The following LCOR variants were observed in gnomAD, a reference collection of about 807,000 sequenced individuals.
LCOR encodes the protein ligand-dependent corepressor.
LCOR carries 14 observed loss-of-function variants against 64.4 expected under a neutral mutation model. The observed-to-expected ratio is 0.22, with a 90% CI of 0.14 to 0.34. The LOEUF (loss-of-function observed/expected upper bound fraction) is 0.34. LCOR is among the 10% of genes least tolerant of loss of function. The pLI, the probability that LCOR is intolerant of heterozygous loss-of-function variation, is 1.00. For synonymous variants in LCOR, 643 were observed against 642.5 expected, an observed-to-expected ratio of 1.00 and a Z score of -0.01; for missense variants, 1,686 against 1,765.3, an observed-to-expected ratio of 0.96 and a Z score of 0.80.
At chr10:96,956,007 C>G in intron 7 of LCOR, 1 of 1,515,032 alleles carries the variant, frequency 6.6e-7, no homozygotes, top group Non-Finnish European at 8.8e-7. Context: ...CACGTAATTT[C>G]ATTTACTGTG....
rs1287246657 is a variant in LCOR at position 96,980,822 on chromosome 10, A to C, written c.362A>C (p.Asp121Ala). 1 of 702,694 alleles carries C rather than the reference A, an allele frequency of 1.4e-6. No homozygotes were observed. The highest frequency in any genetic ancestry group is 2.6e-6 in the Non-Finnish European group (1 of 384,888). 43.5% of individuals were successfully genotyped at this position (702,694 alleles called of 1,614,324 possible). The change falls in exon 8 of 8, where the codon GAT becomes GCT. Residue 121 changes from aspartate (D) to alanine (A), a missense_variant. By Grantham distance (126) the Asp-to-Ala change is moderately radical. This residue lies in a region of LCOR where 313 missense variants were observed against 247.2 expected (regional missense o/e 1.27). Coordinates refer to ENST00000421806, the MANE Select transcript of LCOR (RefSeq NM_001346516.2). ...AACTCAACAGAGGCAAAAGCAGTAG[A>C]TTCTAACAATCAGTCGAAGTCCCCA... Reference protein sequence around the residue: ...GENSTEAKAVDSNNQSKSPLE... With the variant: ...GENSTEAKAVASNNQSKSPLE...
chr10:96,903,246 A>G (rs1255960594), intron 2 of LCOR, among the ~76,000 whole-genome samples: 2 of 152,296 alleles, frequency 1.3e-5, no homozygotes, highest in Admixed American at 1.3e-4. Context: ...TAAATACTGT[A>G]CACTTAGGCT....
intron 2 of LCOR, among the ~76,000 whole-genome samples, chr10:96,867,656 A>T (rs1845996712): frequency 6.6e-6 from 1 of 152,098 alleles, no homozygotes; most frequent in Admixed American, 6.6e-5. Flanking sequence ...TGGGAGGCCA[A>T]GGCGGGAAGG....
chr10:96,919,381 C>A (rs1473507082), intron 4 of LCOR, among the ~76,000 whole-genome samples: 1 of 151,712 alleles, frequency 6.6e-6, no homozygotes, highest in Non-Finnish European at 1.5e-5. Context: ...TTGTTCTTTC[C>A]CCTCAATTAT....
chr10:96,865,732 G>T (rs757519604), intron 2 of LCOR, among the ~76,000 whole-genome samples: 4 of 151,986 alleles, frequency 2.6e-5, no homozygotes, highest in Non-Finnish European at 5.9e-5. Flanking sequence ...AAATTAGTCG[G>T]GTGTGGTGGC....
chr10:96,959,329 C>T (rs910160561), intron 7 of LCOR: 17 of 151,814 alleles, frequency 1.1e-4, no homozygotes, highest in African/African-American at 4.1e-4. Flanking sequence ...TCACGAAAGC[C>T]GTTTTTCCTC....
chr10:96,955,548 G>A (rs773875348), intron 7 of LCOR: 6 of 1,614,030 alleles, frequency 3.7e-6, no homozygotes, highest in East Asian at 4.5e-5. Context: ...TGCTGGACCC[G>A]ATTCTTGGGG....
At chr10:96,880,089 G>A (rs17112190) in intron 2 of LCOR, among the ~76,000 whole-genome samples, 22,055 of 152,204 alleles carry the variant, frequency 0.14, 2,243 homozygotes, top group African/African-American at 0.28. Flanking sequence ...CTTCACTGTT[G>A]ATACTGAAAA....
chr10:96,853,144 C>T (rs544349664), intron 2 of LCOR, among the ~76,000 whole-genome samples: 13 of 152,192 alleles, frequency 8.5e-5, no homozygotes, highest in African/African-American at 1.9e-4. Context: ...CTCCACCTTC[C>T]GGGTTCAAGC....
chr10:96,838,154 A>C (rs1405684083), intron 2 of LCOR, among the ~76,000 whole-genome samples: 4 of 152,224 alleles, frequency 2.6e-5, no homozygotes, highest in Non-Finnish European at 4.4e-5. Context: ...TCCCAAGTAC[A>C]GTGGTCCATA....
chr10:96,858,963 C>T (rs1164819906), intron 2 of LCOR, among the ~76,000 whole-genome samples: 3 of 152,120 alleles, frequency 2.0e-5, no homozygotes, highest in Non-Finnish European at 4.4e-5. Flanking sequence ...AAGTGAGGTT[C>T]TTTTCTCAAC....
intron 2 of LCOR, among the ~76,000 whole-genome samples, chr10:96,841,660 CAA>C (rs1276453166): frequency 6.6e-6 from 1 of 151,812 alleles, no homozygotes; most frequent in Admixed American, 6.6e-5. Flanking sequence ...CGCGCCTGGC[CAA>C]GACTTTCTTT....
At chr10:96,927,629 AT>A (rs1271619604) in intron 4 of LCOR, among the ~76,000 whole-genome samples, 1 of 152,012 alleles carries the variant, frequency 6.6e-6, no homozygotes, top group Non-Finnish European at 1.5e-5. Flanking sequence ...TTTCTATTTA[AT>A]TTTTCTATAT....
chr10:96,833,356 C>A, intron 1 of LCOR, 50 bp from the exon 2 acceptor site: 1 of 977,824 alleles, frequency 1.0e-6, no homozygotes, highest in Non-Finnish European at 1.2e-6. Flanking sequence ...GGCCGGGCGG[C>A]CGAGCTGCGC....
rs2134570304 is a variant in LCOR at position 96,988,080 on chromosome 10, A to G, written c.*2946A>G. The G allele has an allele frequency of 6.6e-6, 1 of 152,342 alleles. No individual in the cohort carries two copies. The highest frequency in any genetic ancestry group is 1.9e-4 in the East Asian group (1 of 5,184). The allele number at this position is 152,342 out of a possible 1,614,324, so 9.4% of individuals were successfully genotyped here. On this transcript the variant is annotated 3_prime_UTR_variant, in exon 8 of 8. Coordinates refer to ENST00000421806, the MANE Select transcript of LCOR (RefSeq NM_001346516.2). Reference sequence around the variant, plus strand: ...GAAGCTGGAAGATGCCTGGGAAGCAATCACTGAAGCTCTGCCATAGCTCCC... The same window carrying G: ...GAAGCTGGAAGATGCCTGGGAAGCAGTCACTGAAGCTCTGCCATAGCTCCC...
chr10:96,920,714 A>G (rs1847058032), intron 4 of LCOR, among the ~76,000 whole-genome samples: 1 of 142,428 alleles, frequency 7.0e-6, no homozygotes, highest in Admixed American at 7.2e-5. Context: ...ATGTGTGTAT[A>G]TATGTATATA....
intron 2 of LCOR, among the ~76,000 whole-genome samples, chr10:96,837,022 C>T (rs374808990): frequency 5.4e-5 from 8 of 148,744 alleles, no homozygotes; most frequent in Non-Finnish European, 1.0e-4. Flanking sequence ...GACGGAGTCT[C>T]GCTCTGTCGC....
At position 96,922,031 on chromosome 10, in the gene LCOR, A is replaced by G. The variant is rs1017031570; in HGVS notation, c.-184+14284A>G. ...AAACCCAGAATGTTTTTCTTTTTCA[A>G]TATTGTTTTGGCAATTTGGGATCTC... is the stretch of plus-strand genomic sequence containing the variant. On this transcript the variant is annotated intron_variant, in intron 4 of 7. Coordinates refer to ENST00000421806, the MANE Select transcript of LCOR (RefSeq NM_001346516.2). Among the ~76,000 whole-genome samples, 15 of 152,246 alleles carry G rather than the reference A, an allele frequency of 9.9e-5. No individual in the cohort carries two copies. The South Asian group carries it at 1.0e-3, about 11-fold the overall frequency.
intron 7 of LCOR, among the ~76,000 whole-genome samples, chr10:96,970,653 A>ATTTTATTTTATTTATTTTATTTTATTTAT (rs1208672189): frequency 7.1e-5 from 10 of 140,796 alleles, no homozygotes; most frequent in African/African-American, 2.4e-4. Context: ...ATTTTATTTT[A>ATTTTATTTTATTTATTTTATTTTATTTAT]TTTATTTTAT....
Sources: allele counts gnomAD v4.1 joint callset (sites outside exome capture counted in the v4.1 genomes callset), GRCh38; gene constraint gnomAD v4.1.1; regional missense constraint gnomAD v4.1.1; transcripts MANE v1.5; gene names NCBI Gene and HGNC (gene_info 2026-07-23, HGNC 2026-07-21).